LIPA: variants seen among roughly 807,000 people sequenced by gnomAD.
The protein encoded by LIPA is lipase A, lysosomal acid type, also known as lysosomal acid lipase/cholesteryl ester hydrolase.
LIPA carries 26 observed loss-of-function variants against 40.6 expected under a neutral mutation model. That is an observed-to-expected ratio of 0.64 (90% confidence interval 0.47 to 0.89). LIPA has a LOEUF of 0.89. LIPA is among the 40% of genes least tolerant of loss of function. LIPA has a pLI of 0.00. For missense variants in LIPA, 455 were observed against 479.6 expected (o/e 0.95, Z 0.48); for synonymous variants, 188 against 168.4 (o/e 1.12, Z -0.90).
chr10:89,304,025 A>G (rs1843462480), intron 1 of LIPA, among the ~76,000 whole-genome samples: 1 of 152,180 alleles, frequency 6.6e-6, no homozygotes, highest in Non-Finnish European at 1.5e-5. Context: ...TGGGGTCACT[A>G]CAGTCCTACC....
chr10:89,234,767 C>T (rs1213004341), intron 3 of LIPA, among the ~76,000 whole-genome samples: 3 of 152,246 alleles, frequency 2.0e-5, no homozygotes, highest in Non-Finnish European at 2.9e-5. Flanking sequence ...TTCCAGTGAA[C>T]TATTTCAGAT....
intron 1 of LIPA, among the ~76,000 whole-genome samples, chr10:89,413,250 T>A (rs1026812391): frequency 6.6e-6 from 1 of 152,228 alleles, no homozygotes; most frequent in Non-Finnish European, 1.5e-5. Context: ...TATTAACTTA[T>A]CAGTTTTTAA....
intron 1 of LIPA, among the ~76,000 whole-genome samples, chr10:89,269,211 T>C (rs942018489): frequency 4.0e-5 from 6 of 151,388 alleles, no homozygotes; most frequent in Non-Finnish European, 7.4e-5. Flanking sequence ...ATGCCTGTAG[T>C]CCCAGCTACT....
chr10:89,404,415 TAGAA>T (rs1242326299), intron 2 of LIPA: 2 of 152,198 alleles, frequency 1.3e-5, no homozygotes, highest in Non-Finnish European at 1.5e-5. Flanking sequence ...CCTTTTGATA[TAGAA>T]AGGCTAATTT....
intron 9 of LIPA, 59 bp downstream of exon 9, chr10:89,215,879 G>A (rs1267599785): frequency 1.8e-6 from 2 of 1,088,194 alleles, no homozygotes; most frequent in Admixed American, 1.7e-5. Flanking sequence ...TGATAGGCCA[G>A]GCTGGCTTTC....
intron 1 of LIPA, among the ~76,000 whole-genome samples, chr10:89,266,478 T>C (rs1476436131): frequency 6.6e-6 from 1 of 152,248 alleles, no homozygotes; most frequent in African/African-American, 2.4e-5. Flanking sequence ...AAATATTATA[T>C]AAAATTACCT....
At chr10:89,408,094 T>C (rs1841439079) in intron 2 of LIPA, among the ~76,000 whole-genome samples, 1 of 152,204 alleles carries the variant, frequency 6.6e-6, no homozygotes, top group Non-Finnish European at 1.5e-5. Flanking sequence ...TGGGTGGTTT[T>C]GTCTTTCAGA....
At chr10:89,216,070 G>A in intron 8 of LIPA, 61 bp from the exon 9 acceptor site, 4 of 1,118,544 alleles carry the variant, frequency 3.6e-6, no homozygotes, top group Non-Finnish European at 5.5e-6. Flanking sequence ...TAACATCATA[G>A]GTTGCTGGAG....
intron 8 of LIPA, among the ~76,000 whole-genome samples, chr10:89,221,860 A>T (rs967790609): frequency 2.0e-5 from 3 of 152,192 alleles, no homozygotes; most frequent in South Asian, 4.1e-4. Flanking sequence ...ATATCTATGG[A>T]TATGCATTTC....
At chr10:89,411,260 G>C (rs910267024) in intron 2 of LIPA, among the ~76,000 whole-genome samples, 3 of 151,760 alleles carry the variant, frequency 2.0e-5, no homozygotes, top group Non-Finnish European at 4.4e-5. Flanking sequence ...AGGACAGGAC[G>C]GATAGATGGT....
rs535761309 is a variant in LIPA at position 89,250,856 on chromosome 10, G to A, written c.-2+881C>T. On this transcript the variant is annotated intron_variant, in intron 1 of 9. Transcript: ENST00000336233. ...ACTCTGAAAATCTCGAAGGAGGGGG[G>A]AAAAAAAACCTTCCAGGCTGAATTA... 9.9e-5 allele frequency among the ~76,000 whole-genome samples: 15 copies of A among 151,826 alleles called. No individual in the cohort carries two copies. The East Asian group carries it at 2.9e-3, about 29-fold the overall frequency.
chr10:89,401,827 A>C (rs967490372), intron 2 of LIPA, among the ~76,000 whole-genome samples: 21 of 151,416 alleles, frequency 1.4e-4, no homozygotes, highest in Admixed American at 2.6e-4. Flanking sequence ...TATCTGTTTC[A>C]TGTGGTCTTA....
At chr10:89,252,580 G>C (rs1264052499), upstream of LIPA, among the ~76,000 whole-genome samples, 1 of 152,192 alleles carries the variant, frequency 6.6e-6, no homozygotes, top group African/African-American at 2.4e-5. Context: ...AGCTGAGGAG[G>C]GCGGATCACC....
chr10:89,365,352 C>T (rs2133594390), intron 2 of LIPA, among the ~76,000 whole-genome samples: 1 of 152,290 alleles, frequency 6.6e-6, no homozygotes, highest in Non-Finnish European at 1.5e-5. Context: ...TGGGTATTAG[C>T]CCTTTGTCAG....
rs1176999269 is a variant in LIPA at position 89,393,013 on chromosome 10, C to T, written c.61+19778G>A. 4 of 772,932 alleles carry T rather than the reference C, an allele frequency of 5.2e-6. No homozygotes were observed. In the African/African-American group the frequency reaches 5.3e-5, roughly 10 times the overall value. The allele number at this position is 772,932 out of a possible 1,614,324, so 47.9% of individuals were successfully genotyped here. A position where few individuals can be genotyped will look rare whatever the true frequency, so the allele number is the denominator to read the frequency against. On this transcript the variant is annotated intron_variant, in intron 2 of 8. Transcript: ENST00000371837. ...TTTTGCAGGAAGGGAGAAAATGATCCCAATCTGAGAGATTCTTTCCCATCA... is the reference window on the plus strand; with the variant it reads ...TTTTGCAGGAAGGGAGAAAATGATCTCAATCTGAGAGATTCTTTCCCATCA...
intron 1 of LIPA, among the ~76,000 whole-genome samples, chr10:89,304,433 A>G (rs1440950458): frequency 1.3e-5 from 2 of 152,136 alleles, no homozygotes; most frequent in African/African-American, 4.8e-5. Flanking sequence ...AAAGTGGGAG[A>G]GAGAGGGGCA....
chr10:89,216,995 C>T (rs1283124899), intron 8 of LIPA, among the ~76,000 whole-genome samples: 1 of 152,128 alleles, frequency 6.6e-6, no homozygotes, highest in African/African-American at 2.4e-5. Flanking sequence ...TACATTTATT[C>T]ATATTTAAAA....
intron 3 of LIPA, among the ~76,000 whole-genome samples, chr10:89,241,579 T>A (rs1243211606): frequency 6.6e-6 from 1 of 152,202 alleles, no homozygotes; most frequent in African/African-American, 2.4e-5. Context: ...GCTGATGGTC[T>A]CCTTCTAAAG....
At chr10:89,408,576 G>T (rs1841443998) in intron 2 of LIPA, among the ~76,000 whole-genome samples, 1 of 152,140 alleles carries the variant, frequency 6.6e-6, no homozygotes, top group East Asian at 1.9e-4. Context: ...CAAGCTGTAG[G>T]GGGAGGGGAA....
Sources: allele counts gnomAD v4.1 joint callset (sites outside exome capture counted in the v4.1 genomes callset), GRCh38; gene constraint gnomAD v4.1.1; transcripts MANE v1.5; gene names NCBI Gene and HGNC (gene_info 2026-07-23, HGNC 2026-07-21).